Variants in EGLN3 observed in about 807,000 individuals in gnomAD.
EGLN3 encodes the protein egl-9 family hypoxia inducible factor 3, also known as prolyl hydroxylase EGLN3.
Under a neutral mutation model 26.0 loss-of-function variants are expected in EGLN3, and 15 were observed. That is an observed-to-expected ratio of 0.58 (90% CI 0.39 to 0.89). The LOEUF (loss-of-function observed/expected upper bound fraction) is 0.89, where lower values mean the gene tolerates loss of function less well. Among genes scored for constraint, EGLN3 ranks in the 40% least tolerant of loss-of-function variants. The pLI is 0.00. For missense variants in EGLN3, 238 were observed against 311.6 expected, an observed-to-expected ratio of 0.76 and a Z score of 1.78; for synonymous variants, 147 against 127.2, an observed-to-expected ratio of 1.16 and a Z score of -1.05.
chr14:33,947,931 C>G (rs1471477458), intron 1 of EGLN3, among the ~76,000 whole-genome samples: 1 of 151,970 alleles, frequency 6.6e-6, no homozygotes, highest in African/African-American at 2.4e-5. Flanking sequence ...GCCTGTGGTC[C>G]CAGCTATGCA....
intron 1 of EGLN3, among the ~76,000 whole-genome samples, chr14:33,945,016 C>T (rs985954588): frequency 1.3e-5 from 2 of 152,174 alleles, no homozygotes; most frequent in Non-Finnish European, 2.9e-5. Flanking sequence ...TGAAAACTTG[C>T]CCATTGGAGA....
Position 33,925,529 on chromosome 14 carries a change from TC to T in EGLN3, c.*361del. The T allele has an allele frequency of 1.1e-5, 2 of 180,436 alleles. No homozygotes were observed. Among genetic ancestry groups the T allele is most frequent in the Non-Finnish European group, 2.3e-5 (2 of 85,980 alleles). The allele number at this position is 180,436 out of a possible 1,614,324, so 11.2% of individuals were successfully genotyped here. ...ACCTCCATTTTTTTCTTTTCAAACC[TC>T]CTCCTTTCAAATCAGGAAGTATACA... On this transcript the variant is annotated 3_prime_UTR_variant, in exon 5 of 5. Transcript: ENST00000250457.
chr14:33,927,042 G>A lies in EGLN3; in HGVS notation c.615-9C>T, dbSNP rs1050893397. On this transcript the variant is annotated splice_polypyrimidine_tract_variant and intron_variant, in intron 3 of 4. Coordinates refer to ENST00000250457, the MANE Select transcript of EGLN3 (RefSeq NM_022073.4). ...AGACAGTCATAGCATATCTGTGAAA[G>A]ATAAGCAGATATAAGGAAAGAGATT... 6.3e-7 allele frequency: 1 copy of A among 1,577,964 alleles called. No individual in the cohort carries two copies. The highest frequency in any genetic ancestry group is 1.4e-5 in the African/African-American group (1 of 73,822).
chr14:33,929,348 A>G (rs2064385459), intron 2 of EGLN3, 136 bp from the exon 3 acceptor site: 7 of 1,102,340 alleles, frequency 6.4e-6, no homozygotes, highest in Non-Finnish European at 8.9e-6. Flanking sequence ...TTTTACTTCA[A>G]CCTCATAGTT....
intron 1 of EGLN3, among the ~76,000 whole-genome samples, chr14:33,942,987 G>T (rs2064493768): frequency 6.6e-6 from 1 of 152,166 alleles, no homozygotes; most frequent in Non-Finnish European, 1.5e-5. Flanking sequence ...CAAACCCAGG[G>T]TCTGTAAGGC....
At chr14:33,947,854 A>G (rs2064528854) in intron 1 of EGLN3, among the ~76,000 whole-genome samples, 1 of 152,158 alleles carries the variant, frequency 6.6e-6, no homozygotes, top group African/African-American at 2.4e-5. Flanking sequence ...GATCGAGACC[A>G]GCCCGGCCAA....
At chr14:33,946,840 C>A (rs1305237729) in intron 1 of EGLN3, among the ~76,000 whole-genome samples, 1 of 152,214 alleles carries the variant, frequency 6.6e-6, no homozygotes, top group Non-Finnish European at 1.5e-5. Flanking sequence ...TGGTGTAAAC[C>A]AAGCAACTTG....
Position 33,950,701 on chromosome 14 carries a change from A to T in EGLN3, c.52T>A (p.Tyr18Asn). 1 of 1,613,894 alleles carries T rather than the reference A, an allele frequency of 6.2e-7. No individual in the cohort carries two copies. Among genetic ancestry groups the T allele is most frequent in the South Asian group, 1.1e-5 (1 of 91,072 alleles). ...RLDLEKIALE[Y>N]IVPCLHEVGF... The stretch of plus-strand genomic sequence containing the variant: ...ACCTCGTGCAGACAGGGCACGATGT[A>T]CTCCAGGGCAATTTTCTCCAGGTCC... Residue 18 changes from tyrosine (Y) to asparagine (N), a missense_variant, in exon 1 of 5, where the codon TAC becomes AAC. Tyr to Asn is a moderately radical substitution (Grantham distance 143). Coordinates refer to ENST00000250457, the MANE Select transcript of EGLN3 (RefSeq NM_022073.4).
intron 1 of EGLN3, among the ~76,000 whole-genome samples, chr14:33,937,175 C>T (rs1048977720): frequency 6.6e-6 from 1 of 152,150 alleles, no homozygotes; most frequent in Non-Finnish European, 1.5e-5. Context: ...TGGTCTTATC[C>T]TTTATACAGA....
At chr14:33,934,416 T>C (rs535070949) in intron 1 of EGLN3, among the ~76,000 whole-genome samples, 133 of 135,984 alleles carry the variant, frequency 9.8e-4, no homozygotes, top group African/African-American at 3.6e-3. Flanking sequence ...ATGCCACAGG[T>C]GGAAAAGGAA....
intron 1 of EGLN3, among the ~76,000 whole-genome samples, chr14:33,947,958 G>C (rs952710152): frequency 6.6e-6 from 1 of 152,118 alleles, no homozygotes. Context: ...TGAGGCAGGA[G>C]AATCACTTGA....
chr14:33,933,228 G>C (rs1307560784), intron 1 of EGLN3, among the ~76,000 whole-genome samples: 1 of 150,500 alleles, frequency 6.6e-6, no homozygotes, highest in African/African-American at 2.4e-5. Context: ...CTTGATCTAA[G>C]CATCAACCCT....
At chr14:33,939,809 T>C (rs1249247880) in intron 1 of EGLN3, among the ~76,000 whole-genome samples, 3 of 152,176 alleles carry the variant, frequency 2.0e-5, no homozygotes, top group Non-Finnish European at 4.4e-5. Context: ...TAACTTGCCT[T>C]TTTGAACCCA....
intron 1 of EGLN3, among the ~76,000 whole-genome samples, chr14:33,934,916 T>C (rs2064430373): frequency 6.6e-6 from 1 of 152,228 alleles, no homozygotes; most frequent in African/African-American, 2.4e-5. Context: ...GTTTAAGATT[T>C]GTTGAGAAAA....
At position 33,924,956 on chromosome 14, in the gene EGLN3, A is replaced by AAAAAC. The variant is rs2064350849; in HGVS notation, c.*934_*935insGTTTT. 1 of 150,852 alleles carries AAAAAC rather than the reference A, an allele frequency of 6.6e-6. No homozygotes were observed. Among genetic ancestry groups the AAAAAC allele is most frequent in the Non-Finnish European group, 1.5e-5 (1 of 67,626 alleles). The allele number at this position is 150,852 out of a possible 1,614,324, so 9.3% of individuals were successfully genotyped here. ...AAAGGAAAACTAAAAAAAAAAAAAA[A>AAAAAC]AAAAAAACAGGAACACCCACATTTC... On this transcript the variant is annotated 3_prime_UTR_variant, in exon 5 of 5. Coordinates refer to ENST00000250457, the MANE Select transcript of EGLN3 (RefSeq NM_022073.4).
intron 1 of EGLN3, among the ~76,000 whole-genome samples, chr14:33,933,333 G>T (rs972029167): frequency 8.4e-5 from 12 of 142,126 alleles, no homozygotes; most frequent in African/African-American, 5.2e-5. Context: ...AAAAAAGATG[G>T]ATACAAACTC....
chr14:33,927,385 T>G (rs139884204), intron 3 of EGLN3, among the ~76,000 whole-genome samples: 3,066 of 152,202 alleles, frequency 0.02, 46 homozygotes, highest in South Asian at 0.086. Flanking sequence ...GCCAGGATGG[T>G]CTCGATCTCT....
chr14:33,931,304 C>T (rs1346060172), intron 1 of EGLN3, 89 bp from the exon 2 acceptor site: 2 of 1,566,318 alleles, frequency 1.3e-6, no homozygotes, highest in Non-Finnish European at 1.7e-6. Flanking sequence ...AACACAGTCT[C>T]CTTGGGTGTT....
intron 1 of EGLN3, chr14:33,931,467 G>A (rs904585630): frequency 2.4e-5 from 11 of 455,740 alleles, no homozygotes; most frequent in Non-Finnish European, 2.7e-5. Context: ...ATTTTACACA[G>A]TCTTTCTTAA....
Sources: allele counts gnomAD v4.1 joint callset (sites outside exome capture counted in the v4.1 genomes callset), GRCh38; gene constraint gnomAD v4.1.1; transcripts MANE v1.5; gene names NCBI Gene and HGNC (gene_info 2026-07-23, HGNC 2026-07-21).